Variants in TREM1 observed in about 807,000 individuals in gnomAD.
TREM1 encodes the protein triggering receptor expressed on monocytes 1.
TREM1 carries 16 observed loss-of-function variants against 22.4 expected under a neutral mutation model. The ratio of observed to expected loss-of-function variants is 0.71; its 90% CI spans 0.48 to 1.08. The LOEUF is 1.08. Ranked by LOEUF, TREM1 falls within the 50% of genes least tolerant of loss-of-function variation. The probability of loss-of-function intolerance (pLI) is 0.00; values close to 1 mark genes in which losing one functional copy is unlikely to be tolerated. For missense variants in TREM1, 283 were observed against 282.9 expected, an observed-to-expected ratio of 1.00 and a Z score of 0.00; for synonymous variants, 110 against 111.6, an observed-to-expected ratio of 0.99 and a Z score of 0.09.
chr6:41,269,998 G>C (rs1767434505), downstream of TREM1: 2 of 152,282 alleles, frequency 1.3e-5, no homozygotes, highest in Non-Finnish European at 2.9e-5. Flanking sequence ...CCTGATTATA[G>C]CTTCCGTGGG....
intron 3 of TREM1, chr6:41,280,410 T>G: frequency 4.0e-6 from 4 of 990,632 alleles, no homozygotes; most frequent in Non-Finnish European, 4.8e-6. Flanking sequence ...ATTGGGCACA[T>G]GCAACAATGT....
rs2113975868 is a variant in TREM1 at position 41,275,690 on chromosome 6, C to G, written c.*435G>C. 1 of 160,790 alleles carries G rather than the reference C, an allele frequency of 6.2e-6. No homozygotes were observed. The highest frequency in any genetic ancestry group is 6.2e-5 in the Admixed American group (1 of 16,208). The allele number at this position is 160,790 out of a possible 1,614,324, so 10.0% of individuals were successfully genotyped here. A position where few individuals can be genotyped will look rare whatever the true frequency, so the allele number is the denominator to read the frequency against. On this transcript the variant is annotated 3_prime_UTR_variant, in exon 4 of 4. Transcript: ENST00000244709. Reference sequence around the variant, plus strand: ...GTCTGATGCTAGAAAGAGGAAGTCCCAGCATGGGGCGAGCAGGATGCTTCT... The same window carrying G: ...GTCTGATGCTAGAAAGAGGAAGTCCGAGCATGGGGCGAGCAGGATGCTTCT...
At chr6:41,270,792 C>T (rs1347962950), downstream of TREM1, among the ~76,000 whole-genome samples, 1 of 152,126 alleles carries the variant, frequency 6.6e-6, no homozygotes, top group Non-Finnish European at 1.5e-5. Flanking sequence ...CAGTCTTGAC[C>T]TTCTGGGTTC....
chr6:41,277,734 A>T (rs941918477), intron 3 of TREM1, among the ~76,000 whole-genome samples: 2 of 152,022 alleles, frequency 1.3e-5, no homozygotes, highest in African/African-American at 4.8e-5. Context: ...CCTTATAGGG[A>T]CAACTCCAAA....
chr6:41,281,303 T>A, intron 2 of TREM1, 150 bp from the exon 3 acceptor site: 3 of 887,392 alleles, frequency 3.4e-6, no homozygotes, highest in Non-Finnish European at 5.0e-6. Flanking sequence ...AGGAGGGAAA[T>A]GAGCATGGCC....
rs1767622856 is a variant in TREM1 at position 41,275,237 on chromosome 6, A to G, written c.*888T>C. 1.3e-5 allele frequency: 2 copies of G among 151,960 alleles called. No individual in the cohort carries two copies. Among genetic ancestry groups the G allele is most frequent in the South Asian group, 2.1e-4 (1 of 4,818 alleles). The allele number at this position is 151,960 out of a possible 1,614,324, so 9.4% of individuals were successfully genotyped here. A position where few individuals can be genotyped will look rare whatever the true frequency, so the allele number is the denominator to read the frequency against. On this transcript the variant is annotated 3_prime_UTR_variant, in exon 4 of 4. Coordinates refer to ENST00000244709, the MANE Select transcript of TREM1 (RefSeq NM_018643.5). ...CTCCCAGGGGGAGAGCTTTTACTCC[A>G]CCATCCCTGACCCTTGTGTGATACA...
At chr6:41,278,392 G>A (rs1221614050) in intron 3 of TREM1, among the ~76,000 whole-genome samples, 2 of 152,036 alleles carry the variant, frequency 1.3e-5, no homozygotes, top group African/African-American at 4.8e-5. Context: ...TTTCATGGCT[G>A]GATGTGGTGG....
chr6:41,268,765 G>A (rs546946777), downstream of TREM1, among the ~76,000 whole-genome samples: 124 of 152,226 alleles, frequency 8.1e-4, no homozygotes, highest in Middle Eastern at 3.4e-3. Context: ...TGAAGTTTTA[G>A]TATTTATGTA....
At chr6:41,285,186 TG>T (rs1768107886) in intron 1 of TREM1, among the ~76,000 whole-genome samples, 1 of 152,230 alleles carries the variant, frequency 6.6e-6, no homozygotes, top group South Asian at 2.1e-4. Flanking sequence ...CAAACTTGCC[TG>T]TCTCTCACAG....
At chr6:41,269,109 A>G (rs1767410940), downstream of TREM1, among the ~76,000 whole-genome samples, 1 of 152,196 alleles carries the variant, frequency 6.6e-6, no homozygotes, top group Non-Finnish European at 1.5e-5. Context: ...CTGCTAATTA[A>G]TGGAGGCCTC....
At chr6:41,278,038 C>A (rs964227938) in intron 3 of TREM1, among the ~76,000 whole-genome samples, 3 of 151,344 alleles carry the variant, frequency 2.0e-5, no homozygotes, top group South Asian at 4.2e-4. Context: ...CCTCCTGCCT[C>A]AGCCTCCCGA....
chr6:41,280,692 G>A (rs1257609060), intron 3 of TREM1: 14 of 1,422,002 alleles, frequency 9.8e-6, no homozygotes, highest in Non-Finnish European at 1.3e-5. Context: ...TGGAACTTGG[G>A]GAAGATGCCA....
intron 2 of TREM1, chr6:41,282,005 A>T (rs2113989228): frequency 4.7e-6 from 1 of 214,014 alleles, no homozygotes; most frequent in Admixed American, 5.2e-5. Context: ...ATTTGAAATA[A>T]GATCCCCAGG....
downstream of TREM1, chr6:41,267,865 A>AAAGTT (rs1281914139): frequency 2.0e-5 from 8 of 398,086 alleles, no homozygotes; most frequent in African/African-American, 1.6e-4. Flanking sequence ...AAATAAGACA[A>AAAGTT]AAGCTAAAGC....
chr6:41,286,657 C>T lies in TREM1; in HGVS notation c.-2G>A. 4 of 1,614,072 alleles carry T rather than the reference C, an allele frequency of 2.5e-6. No homozygotes were observed. Among genetic ancestry groups the T allele is most frequent in the Non-Finnish European group, 3.4e-6 (4 of 1,179,966 alleles). The stretch of plus-strand genomic sequence containing the variant: ...CCCCCAGAGCCTGGTCTTCCTCATC[C>T]TTCCTGTGCACCAGCTCCAACTGCT... On this transcript the variant is annotated 5_prime_UTR_variant, in exon 1 of 4. Transcript: ENST00000244709.
chr6:41,270,679 T>A (rs1183657437), downstream of TREM1, among the ~76,000 whole-genome samples: 1 of 152,116 alleles, frequency 6.6e-6, no homozygotes, highest in Non-Finnish European at 1.5e-5. Flanking sequence ...GGCCCAGGCA[T>A]GGCTTTTGCT....
exon 4 of TREM1, chr6:41,267,946 G>T (rs542346004): frequency 2.5e-6 from 1 of 398,610 alleles, no homozygotes; most frequent in South Asian, 1.3e-4. Context: ...CAGGGCGTAG[G>T]TTTTCCTTTA....
chr6:41,279,031 T>TG (rs1767788185), intron 3 of TREM1, among the ~76,000 whole-genome samples: 2 of 152,174 alleles, frequency 1.3e-5, no homozygotes, highest in African/African-American at 4.8e-5. Context: ...CATCTCCCCA[T>TG]GCCCCAGCAG....
chr6:41,281,442 G>A (rs984041427), intron 2 of TREM1: 1 of 399,646 alleles, frequency 2.5e-6, no homozygotes, highest in Admixed American at 4.2e-5. Flanking sequence ...GAAGAAGAAA[G>A]GAATTTTTTG....
Sources: allele counts gnomAD v4.1 joint callset (sites outside exome capture counted in the v4.1 genomes callset), GRCh38; gene constraint gnomAD v4.1.1; transcripts MANE v1.5; gene names NCBI Gene and HGNC (gene_info 2026-07-23, HGNC 2026-07-21).